BIN3: variants seen among roughly 807,000 people sequenced by gnomAD.
BIN3 encodes the protein bridging integrator 3.
BIN3 carries 41 observed loss-of-function variants against 38.2 expected under a neutral mutation model. The ratio of observed to expected loss-of-function variants is 1.07; its 90% confidence interval spans 0.84 to 1.39. The LOEUF (loss-of-function observed/expected upper bound fraction) is 1.39, where lower values mean the gene tolerates loss of function less well. Ranked by LOEUF, BIN3 falls within the 40% of genes most tolerant of loss-of-function variation. The pLI, the probability that BIN3 is intolerant of heterozygous loss-of-function variation, is 0.00. For missense variants in BIN3, 361 were observed against 324.3 expected (o/e 1.11, Z -0.87); for synonymous variants, 145 against 122.6 (o/e 1.18, Z -1.21).
intron 1 of BIN3, among the ~76,000 whole-genome samples, chr8:22,663,020 G>A (rs1803286975): frequency 6.6e-6 from 1 of 152,196 alleles, no homozygotes; most frequent in Admixed American, 6.5e-5. Flanking sequence ...CTGGGAGGCT[G>A]AGGCACGAGA....
In BIN3 at chr8:22,636,953, C is replaced by A; in HGVS notation, c.67G>T (p.Asp23Tyr). The change falls in exon 3 of 9, where the codon GAC becomes TAC. Residue 23 changes from aspartate (D) to tyrosine (Y), a missense_variant. Asp to Tyr is a radical substitution (Grantham distance 160). Transcript: ENST00000276416. ...KQIVPKTVER[D>Y]FEREYGKLQQ... ...AGTTTTCCATACTCCCTTTCAAAGT[C>A]TCTCTCCACCTGAAACGAGAGAGAT... 6.2e-7 allele frequency: 1 copy of A among 1,613,270 alleles called. No homozygotes were observed. Among genetic ancestry groups the A allele is most frequent in the Non-Finnish European group, 8.5e-7 (1 of 1,179,268 alleles).
At position 22,624,319 on chromosome 8, in the gene BIN3, C is replaced by T. The variant is rs370278385; in HGVS notation, c.383G>A (p.Arg128Gln). 63 of 1,613,812 alleles carry T rather than the reference C, an allele frequency of 3.9e-5. No homozygotes were observed. Among genetic ancestry groups the T allele is most frequent in the African/African-American group, 8.0e-5 (6 of 74,932 alleles). ...CCTGTAGTCCTGCAAGGCCTGTTCC[C>T]GCCTCTTCACAGCCATGTTGAGGCT... The part of the protein sequence containing the change: ...FPSLNMAVKR[R>Q]EQALQDYRRL... The change falls in exon 7 of 9, where the codon CGG becomes CAG. Residue 128 changes from arginine (R) to glutamine (Q), a missense_variant. Physicochemically the swap from Arg to Gln is conservative, Grantham distance 43 (BLOSUM62 1). Coordinates refer to ENST00000276416, the MANE Select transcript of BIN3 (RefSeq NM_018688.6).
chr8:22,641,898 G>A (rs1038654252), intron 2 of BIN3, among the ~76,000 whole-genome samples: 3 of 152,116 alleles, frequency 2.0e-5, no homozygotes, highest in African/African-American at 4.8e-5. Flanking sequence ...CGATGCTCCC[G>A]CCACTTTATG....
intron 1 of BIN3, among the ~76,000 whole-genome samples, chr8:22,663,853 G>C (rs1803324440): frequency 6.6e-6 from 1 of 152,130 alleles, no homozygotes; most frequent in Admixed American, 6.5e-5. Context: ...CTAAGTCAAG[G>C]TTCAGTTAAA....
intron 1 of BIN3, among the ~76,000 whole-genome samples, chr8:22,653,162 T>A (rs1287985315): frequency 6.6e-6 from 1 of 152,224 alleles, no homozygotes; most frequent in Non-Finnish European, 1.5e-5. Flanking sequence ...AATGTCTGTC[T>A]TTGAAGGAGG....
intron 2 of BIN3, among the ~76,000 whole-genome samples, chr8:22,642,516 T>C (rs543658842): frequency 1.3e-5 from 2 of 152,306 alleles, no homozygotes; most frequent in South Asian, 4.1e-4. Flanking sequence ...CGTTGGGAAA[T>C]CTAGCTGCCT....
intron 1 of BIN3, among the ~76,000 whole-genome samples, chr8:22,663,467 A>T (rs1479142332): frequency 6.6e-6 from 1 of 150,600 alleles, no homozygotes. Flanking sequence ...AAAAAAGGAA[A>T]CTATTGTCCA....
chr8:22,669,010 GTCCAGCAGC>G, intron 1 of BIN3, 25 bp downstream of exon 1: 1 of 1,568,542 alleles, frequency 6.4e-7, no homozygotes, highest in Non-Finnish European at 8.6e-7. Flanking sequence ...GGGTCCGCGG[GTCCAGCAGC>G]TCCCGCCGCC....
intron 1 of BIN3, among the ~76,000 whole-genome samples, chr8:22,652,094 C>G (rs1802916914): frequency 6.6e-6 from 1 of 151,410 alleles, no homozygotes; most frequent in African/African-American, 2.4e-5. Flanking sequence ...TTCATGGATG[C>G]CTTATCTCTC....
intron 1 of BIN3, among the ~76,000 whole-genome samples, chr8:22,653,922 G>C (rs192125079): frequency 4.8e-5 from 7 of 145,426 alleles, no homozygotes; most frequent in Admixed American, 4.2e-4. Flanking sequence ...TCATTCTTCT[G>C]CTAGGGTGGG....
At chr8:22,645,842 G>A (rs1388782935) in intron 1 of BIN3, among the ~76,000 whole-genome samples, 1 of 152,162 alleles carries the variant, frequency 6.6e-6, no homozygotes, top group Non-Finnish European at 1.5e-5. Context: ...TTAGTGATTG[G>A]CCGGGCTGGA....
chr8:22,641,480 C>A (rs1414676528), intron 2 of BIN3, among the ~76,000 whole-genome samples: 1 of 152,184 alleles, frequency 6.6e-6, no homozygotes, highest in Non-Finnish European at 1.5e-5. Flanking sequence ...AGGAAACTGG[C>A]AGGCAGGGCT....
At chr8:22,652,816 C>T (rs1018674957) in intron 1 of BIN3, among the ~76,000 whole-genome samples, 1 of 152,206 alleles carries the variant, frequency 6.6e-6, no homozygotes, top group African/African-American at 2.4e-5. Context: ...CTGCCTAACA[C>T]ACCTCTATCT....
intron 1 of BIN3, among the ~76,000 whole-genome samples, chr8:22,660,846 C>T (rs927590647): frequency 6.6e-6 from 1 of 152,166 alleles, no homozygotes; most frequent in South Asian, 2.1e-4. Flanking sequence ...TTCAGGCTCC[C>T]TGAGTATCGC....
In BIN3 at chr8:22,627,657, TCCTCTCTCCCTGCCCA is replaced by T. The variant is rs1271206543; in HGVS notation, c.338+2291_338+2306del. ...CTGCTGTTCCAGCGCACTTCACCCC[TCCTCTCTCCCTGCCCA>T]CCTCAGCCCACCAAAACCTCCTCTC... On this transcript the variant is annotated intron_variant, in intron 6 of 8. Coordinates refer to ENST00000276416, the MANE Select transcript of BIN3 (RefSeq NM_018688.6). Among the ~76,000 whole-genome samples the T allele has an allele frequency of 1.0e-4, 15 of 148,862 alleles. No individual in the cohort carries two copies. In the East Asian group the frequency reaches 2.7e-3, roughly 27 times the overall value.
chr8:22,652,874 T>A (rs1802947302), intron 1 of BIN3, among the ~76,000 whole-genome samples: 1 of 152,222 alleles, frequency 6.6e-6, no homozygotes, highest in African/African-American at 2.4e-5. Context: ...TGCCTCTTCA[T>A]GTGATGCAGA....
intron 4 of BIN3, among the ~76,000 whole-genome samples, chr8:22,635,030 G>C (rs1005718133): frequency 2.0e-5 from 3 of 152,186 alleles, no homozygotes; most frequent in African/African-American, 7.2e-5. Flanking sequence ...GGGGACTGAA[G>C]ATGGCTTCTC....
intron 1 of BIN3, among the ~76,000 whole-genome samples, chr8:22,664,325 G>A (rs1034976967): frequency 1.3e-5 from 2 of 152,206 alleles, no homozygotes; most frequent in African/African-American, 4.8e-5. Context: ...ATAAGAGCAA[G>A]CTCACATACA....
intron 6 of BIN3, among the ~76,000 whole-genome samples, chr8:22,628,603 G>A (rs1007968606): frequency 6.6e-6 from 1 of 152,194 alleles, no homozygotes; most frequent in African/African-American, 2.4e-5. Context: ...CTCCATTTGG[G>A]CTTCAGAAGC....
Sources: allele counts gnomAD v4.1 joint callset (sites outside exome capture counted in the v4.1 genomes callset), GRCh38; gene constraint gnomAD v4.1.1; transcripts MANE v1.5; gene names NCBI Gene and HGNC (gene_info 2026-07-23, HGNC 2026-07-21).